Variants in ZMAT4 observed in about 807,000 individuals in gnomAD.
The protein encoded by ZMAT4 is zinc finger matrin-type 4.
ZMAT4 carries 17 observed loss-of-function variants against 28.7 expected under a neutral mutation model. The ratio of observed to expected loss-of-function variants is 0.59; its 90% CI spans 0.41 to 0.89. The LOEUF (loss-of-function observed/expected upper bound fraction) is 0.89. Ranked by LOEUF, ZMAT4 falls within the 40% of genes least tolerant of loss-of-function variation. ZMAT4 has a pLI of 0.00. For synonymous variants in ZMAT4, 117 were observed against 109.2 expected (o/e 1.07, Z -0.44); for missense variants, 240 against 283.8 (o/e 0.85, Z 1.11).
chr8:40,724,750 G>A (rs1218107851), intron 3 of ZMAT4, among the ~76,000 whole-genome samples: 1 of 152,158 alleles, frequency 6.6e-6, no homozygotes, highest in Admixed American at 6.5e-5. Context: ...AGTCTTGAAG[G>A]ATGCATAGGA....
intron 1 of ZMAT4, among the ~76,000 whole-genome samples, chr8:40,866,871 T>A (rs549179962): frequency 3.3e-5 from 5 of 152,328 alleles, no homozygotes; most frequent in African/African-American, 1.2e-4. Flanking sequence ...CACATACATA[T>A]GGCATACAAA....
At chr8:40,577,276 A>G (rs1211705440) in intron 6 of ZMAT4, among the ~76,000 whole-genome samples, 1 of 152,200 alleles carries the variant, frequency 6.6e-6, no homozygotes, top group South Asian at 2.1e-4. Flanking sequence ...AATCAACCTA[A>G]GTGTCCATCA....
At chr8:40,566,785 A>T (rs1229453835) in intron 6 of ZMAT4, among the ~76,000 whole-genome samples, 1 of 152,090 alleles carries the variant, frequency 6.6e-6, no homozygotes, top group Non-Finnish European at 1.5e-5. Flanking sequence ...ATTCCAATAC[A>T]GATACTAAGG....
At chr8:40,821,046 G>T (rs997140825) in intron 2 of ZMAT4, among the ~76,000 whole-genome samples, 4 of 146,240 alleles carry the variant, frequency 2.7e-5, no homozygotes, top group South Asian at 2.2e-4. Flanking sequence ...TGTATGTGTG[G>T]GTGTGTGTGT....
chr8:40,570,668 C>T (rs1209166828), intron 6 of ZMAT4, among the ~76,000 whole-genome samples: 3 of 152,126 alleles, frequency 2.0e-5, no homozygotes, highest in Non-Finnish European at 4.4e-5. Context: ...CCACTGCACT[C>T]TAGCCTGGGC....
In ZMAT4 at chr8:40,825,655, G is replaced by C. The variant is rs750703333; in HGVS notation, c.22C>G (p.Gln8Glu). 4 of 1,554,520 alleles carry C rather than the reference G, an allele frequency of 2.6e-6. No homozygotes were observed. The highest frequency in any genetic ancestry group is 3.9e-5 in the Admixed American group (2 of 51,256). MKSSDIDQDLFTDSYCKV... is the reference protein window; with the variant it reads MKSSDIDEDLFTDSYCKV... ...CAGTAACTGTCTGTGAATAAATCCT[G>C]ATCAATATCGGAGGACTTCATCAGG... The change falls in exon 2 of 7, where the codon CAG (glutamine) becomes GAG (glutamate). Residue 8 changes from glutamine (Q) to glutamate (E), a missense_variant. Gln to Glu is a conservative substitution (Grantham distance 29). Transcript: ENST00000297737.
intron 5 of ZMAT4, among the ~76,000 whole-genome samples, chr8:40,639,771 T>TACACACACACACACACAC (rs10676366): frequency 2.0e-5 from 3 of 146,354 alleles, no homozygotes; most frequent in South Asian, 2.2e-4. Context: ...GTCCTTTTGT[T>TACACACACACACACACAC]ACACACACAC....
intron 6 of ZMAT4, among the ~76,000 whole-genome samples, chr8:40,542,020 G>A (rs114175152): frequency 6.6e-6 from 1 of 152,346 alleles, no homozygotes; most frequent in African/African-American, 2.4e-5. Context: ...AGGCAGAGCA[G>A]CAGGTGCAAG....
At chr8:40,547,632 A>G (rs933288076) in intron 6 of ZMAT4, among the ~76,000 whole-genome samples, 2 of 152,130 alleles carry the variant, frequency 1.3e-5, no homozygotes, top group Non-Finnish European at 2.9e-5. Context: ...TTTATTTTTT[A>G]AAAATTATAC....
chr8:40,743,433 T>C (rs1341573896), intron 3 of ZMAT4, among the ~76,000 whole-genome samples: 2 of 152,110 alleles, frequency 1.3e-5, no homozygotes, highest in African/African-American at 4.8e-5. Context: ...ACCAAACACT[T>C]CCCCAGGGCC....
intron 1 of ZMAT4, among the ~76,000 whole-genome samples, chr8:40,871,714 G>C (rs1817864079): frequency 6.6e-6 from 1 of 152,172 alleles, no homozygotes; most frequent in South Asian, 2.1e-4. Context: ...CAGCACTGAG[G>C]TGTGGACTCA....
chr8:40,721,529 T>C (rs1811093411), intron 3 of ZMAT4, among the ~76,000 whole-genome samples: 1 of 140,380 alleles, frequency 7.1e-6, no homozygotes, highest in African/African-American at 2.7e-5. Flanking sequence ...GTATTTCTAG[T>C]TCTAGATGCC....
chr8:40,826,288 G>T (rs1302538792), intron 1 of ZMAT4, among the ~76,000 whole-genome samples: 1 of 152,026 alleles, frequency 6.6e-6, no homozygotes, highest in Non-Finnish European at 1.5e-5. Context: ...TTCTTTCAGG[G>T]AACATTAGGA....
At position 40,712,922 on chromosome 8, in the gene ZMAT4, A is replaced by C. The variant is rs180736550; in HGVS notation, c.193-15521T>G. Among the ~76,000 whole-genome samples, 6 of 152,238 alleles carry C rather than the reference A, an allele frequency of 3.9e-5. No individual in the cohort carries two copies. The East Asian group carries it at 7.7e-4, about 20-fold the overall frequency. On this transcript the variant is annotated intron_variant, in intron 3 of 6. Coordinates refer to ENST00000297737, the MANE Select transcript of ZMAT4 (RefSeq NM_024645.3). ...ATAATGTCTTCCCATATGTATTTGC[A>C]AAACTGATGCAAGTTTGAACACTGG...
At chr8:40,556,272 G>C (rs183863187) in intron 6 of ZMAT4, among the ~76,000 whole-genome samples, 1 of 152,154 alleles carries the variant, frequency 6.6e-6, no homozygotes, top group African/African-American at 2.4e-5. Context: ...CAACACTCTT[G>C]TTCAGTTTTT....
intron 5 of ZMAT4, among the ~76,000 whole-genome samples, chr8:40,601,618 GAA>G (rs1157900874): frequency 3.7e-5 from 1 of 26,858 alleles, no homozygotes; most frequent in African/African-American, 9.4e-5. Flanking sequence ...AAGAAAGAAA[GAA>G]AGAAAGAAAG....
In ZMAT4 at chr8:40,614,621, C is replaced by T. The variant is rs372064340; in HGVS notation, c.578-33360G>A. Among the ~76,000 whole-genome samples the T allele has an allele frequency of 8.5e-5, 13 of 152,292 alleles. 1 individual carries two copies. Among genetic ancestry groups the T allele is most frequent in the African/African-American group, 2.9e-4 (12 of 41,556 alleles). On this transcript the variant is annotated intron_variant, in intron 5 of 6. Transcript: ENST00000297737. ...AATCTGGGTGCTCCTGTACTGGGTG[C>T]ATATATATTTAGGATAGTTAGCTCT...
chr8:40,539,736 A>G (rs1802966156), intron 6 of ZMAT4, among the ~76,000 whole-genome samples: 1 of 152,240 alleles, frequency 6.6e-6, no homozygotes. Context: ...AAAATTTCTG[A>G]TGTAGCTCTT....
In ZMAT4 at chr8:40,697,306, G is replaced by A; in HGVS notation, c.288C>T (p.Gly96=). Residue 96 remains glycine (G), a synonymous_variant, in exon 4 of 7, where the codon GGC becomes GGT. Coordinates refer to ENST00000297737, the MANE Select transcript of ZMAT4 (RefSeq NM_024645.3). ...GTTTTAACCTCTTGGCGTGGATTTT[G>A]CCTTGATAATGGGAATCGGCCACCA... ...SAVVADSHYQ[G]KIHAKRLKLL... The A allele has an allele frequency of 6.2e-7, 1 of 1,613,898 alleles. No homozygotes were observed. The highest frequency in any genetic ancestry group is 8.5e-7 in the Non-Finnish European group (1 of 1,179,860).
Sources: gnomAD v4.1 joint callset for allele counts (sites outside exome capture counted in the v4.1 genomes callset) on GRCh38, gnomAD v4.1.1 for gene constraint, MANE v1.5 for transcripts, NCBI Gene and HGNC (gene_info 2026-07-23, HGNC 2026-07-21) for gene names.